Variants in SNX14 observed in about 807,000 individuals in gnomAD.
SNX14 encodes sorting nexin-14.
SNX14 carries 93 observed loss-of-function variants against 133.8 expected under a neutral mutation model. The ratio of observed to expected loss-of-function variants is 0.70; its 90% CI spans 0.59 to 0.83. The LOEUF (loss-of-function observed/expected upper bound fraction) is 0.83, where lower values mean the gene tolerates loss of function less well. Ranked by LOEUF, SNX14 falls within the 40% of genes least tolerant of loss-of-function variation. The pLI is 0.00. For missense variants in SNX14, 945 were observed against 1,094.9 expected, an observed-to-expected ratio of 0.86 and a Z score of 1.93; for synonymous variants, 368 against 365.6, an observed-to-expected ratio of 1.01 and a Z score of -0.07.
intron 2 of SNX14, 44 bp from the exon 3 acceptor site, chr6:85,572,418 A>G (rs1795941327): frequency 8.7e-6 from 12 of 1,375,528 alleles, no homozygotes; most frequent in East Asian, 4.6e-5. Context: ...CCATCTTTAC[A>G]TAACATCTTT....
At chr6:85,546,993 A>G in intron 12 of SNX14, 119 bp downstream of exon 12, 1 of 640,502 alleles carries the variant, frequency 1.6e-6, no homozygotes, top group South Asian at 2.7e-5. Flanking sequence ...AAGGAAATCG[A>G]GTATATGAAA....
At chr6:85,560,799 C>T (rs530292112) in intron 6 of SNX14, among the ~76,000 whole-genome samples, 5 of 150,710 alleles carry the variant, frequency 3.3e-5, no homozygotes, top group Non-Finnish European at 5.9e-5. Context: ...TTTGGGAGAC[C>T]GAGGTGGGTG....
At chr6:85,511,307 C>G (rs575981555) in intron 26 of SNX14, among the ~76,000 whole-genome samples, 1 of 152,140 alleles carries the variant, frequency 6.6e-6, no homozygotes, top group Non-Finnish European at 1.5e-5. Context: ...TTTCCAGGAG[C>G]ATTTTTGTCA....
chr6:85,525,697 A>T (rs2127956990), intron 21 of SNX14, among the ~76,000 whole-genome samples: 1 of 152,274 alleles, frequency 6.6e-6, no homozygotes, highest in Non-Finnish European at 1.5e-5. Flanking sequence ...GCATGATATA[A>T]CTTAAAGACG....
chr6:85,509,128 G>A (rs1383133563), intron 26 of SNX14, among the ~76,000 whole-genome samples: 3 of 152,148 alleles, frequency 2.0e-5, no homozygotes, highest in African/African-American at 7.2e-5. Flanking sequence ...AAGAGATGAG[G>A]AGCAGAGGAT....
chr6:85,574,089 C>A (rs1796522756), intron 2 of SNX14, among the ~76,000 whole-genome samples, 169 bp downstream of exon 2: 2 of 137,776 alleles, frequency 1.5e-5, no homozygotes, highest in South Asian at 2.3e-4. Flanking sequence ...ATAATAAAAT[C>A]ACTGCTTTTA....
rs758533990 is a variant in SNX14, at chr6:85,514,630, CTAAAA to C, written c.2269-6_2269-2del. On this transcript the variant is annotated splice_acceptor_variant and splice_polypyrimidine_tract_variant and intron_variant, in intron 23 of 28. Transcript: ENST00000314673. LOFTEE classifies it high-confidence loss of function. ...TATTTTTAAACAGATCATTGAAAAG[CTAAAA>C]TAAAAGTTGGAATAATAAAGAGATA... 2.5e-6 allele frequency: 4 copies of C among 1,608,808 alleles called. No homozygotes were observed. The African/African-American group carries it at 4.0e-5, about 16-fold the overall frequency.
chr6:85,523,344 C>T (rs1176956727), intron 21 of SNX14, among the ~76,000 whole-genome samples: 2 of 152,046 alleles, frequency 1.3e-5, no homozygotes, highest in Admixed American at 6.5e-5. Context: ...GATGGGAATC[C>T]AGGAGACTAG....
chr6:85,532,469 C>A (rs1302742773), intron 18 of SNX14, among the ~76,000 whole-genome samples: 1 of 152,204 alleles, frequency 6.6e-6, no homozygotes, highest in Non-Finnish European at 1.5e-5. Flanking sequence ...TGAGGAAAAT[C>A]AGAAAACCTA....
intron 23 of SNX14, among the ~76,000 whole-genome samples, chr6:85,515,776 T>TC (rs1774757341): frequency 6.6e-6 from 1 of 152,090 alleles, no homozygotes; most frequent in Admixed American, 6.5e-5. Flanking sequence ...ATTTTTTTTT[T>TC]CACTAAAAAA....
Position 85,547,401 on chromosome 6 carries a change from TGAAA to T in SNX14, c.913-8_913-5del. On this transcript the variant is annotated splice_region_variant and splice_polypyrimidine_tract_variant and intron_variant, in intron 10 of 28. Transcript: ENST00000314673. The stretch of plus-strand genomic sequence containing the variant: ...CCGGTTCAGTTGCTTTTTCAGGCTT[TGAAA>T]GAAAGAGAATTATTAACTCAGTAAA... 2 of 1,612,668 alleles carry T rather than the reference TGAAA, an allele frequency of 1.2e-6. No homozygotes were observed. Among genetic ancestry groups the T allele is most frequent in the South Asian group, 2.2e-5 (2 of 90,374 alleles).
intron 1 of SNX14, among the ~76,000 whole-genome samples, chr6:85,584,295 C>T (rs1441619390): frequency 6.6e-6 from 1 of 152,070 alleles, no homozygotes; most frequent in Non-Finnish European, 1.5e-5. Flanking sequence ...CCATAAAAAC[C>T]CTAGAATAAA....
At chr6:85,553,101 C>T (rs556167918) in intron 7 of SNX14, among the ~76,000 whole-genome samples, 27 of 152,308 alleles carry the variant, frequency 1.8e-4, no homozygotes, top group African/African-American at 6.3e-4. Context: ...TAAGCATTAG[C>T]TGCCTGTTCT....
intron 1 of SNX14, chr6:85,589,037 G>A: frequency 2.7e-6 from 1 of 366,496 alleles, no homozygotes. Context: ...CATGATTTCT[G>A]CCCGACTTTT....
intron 1 of SNX14, among the ~76,000 whole-genome samples, chr6:85,575,263 A>G (rs1796946186): frequency 6.6e-6 from 1 of 152,358 alleles, no homozygotes; most frequent in East Asian, 1.9e-4. Context: ...ATTGTGCTAA[A>G]TAACACCAGT....
At chr6:85,538,986 T>G (rs1233081233) in intron 15 of SNX14, 122 bp from the exon 16 acceptor site, 1 of 690,356 alleles carries the variant, frequency 1.4e-6, no homozygotes, top group East Asian at 3.1e-5. Flanking sequence ...CACAGGTGTA[T>G]AACATTCATT....
At position 85,547,201 on chromosome 6, in the gene SNX14, A is replaced by C. The variant is rs1470299922; in HGVS notation, c.1019T>G (p.Ile340Ser). The part of the protein sequence containing the change: ...PSVLKLELKQ[I>S]REQQDLLFRF... ...AAATAAAAGATCTTGTTGCTCTCTG[A>C]TTTGCTTCAATTCTAACTTCAGCAC... Residue 340 changes from isoleucine (I) to serine (S), a missense_variant, in exon 12 of 29, where the codon ATC becomes AGC. Coordinates refer to ENST00000314673, the MANE Select transcript of SNX14 (RefSeq NM_153816.6). 1.3e-5 allele frequency: 21 copies of C among 1,613,978 alleles called. No individual in the cohort carries two copies. Among genetic ancestry groups the C allele is most frequent in the Non-Finnish European group, 1.8e-5 (21 of 1,179,998 alleles).
chr6:85,524,438 C>T (rs1464877845), intron 21 of SNX14, among the ~76,000 whole-genome samples: 4 of 152,046 alleles, frequency 2.6e-5, no homozygotes, highest in Admixed American at 2.0e-4. Flanking sequence ...GGGAAGAATG[C>T]TGCAGAGGAG....
intron 21 of SNX14, among the ~76,000 whole-genome samples, chr6:85,523,451 T>C (rs747787998): frequency 4.0e-5 from 6 of 151,872 alleles, no homozygotes; most frequent in Non-Finnish European, 8.8e-5. Flanking sequence ...AGACACCAAA[T>C]AGGAAAAACG....
Sources: allele counts gnomAD v4.1 joint callset (sites outside exome capture counted in the v4.1 genomes callset), GRCh38; gene constraint gnomAD v4.1.1; transcripts MANE v1.5; gene names NCBI Gene and HGNC (gene_info 2026-07-23, HGNC 2026-07-21).